PTPRK: variants seen among roughly 807,000 people sequenced by gnomAD.
PTPRK encodes the protein protein tyrosine phosphatase receptor type K.
In PTPRK, 75 loss-of-function variants were observed where a neutral mutation model predicts 178.0. The ratio of observed to expected loss-of-function variants is 0.42; its 90% CI spans 0.35 to 0.51. The LOEUF is 0.51. Among genes scored for constraint, PTPRK ranks in the 20% least tolerant of loss-of-function variants. The pLI, the probability that PTPRK is intolerant of heterozygous loss-of-function variation, is 0.02. For missense variants in PTPRK, 1,441 were observed against 1,797.8 expected (o/e 0.80, Z 3.59); for synonymous variants, 637 against 620.6 (o/e 1.03, Z -0.39).
At chr6:128,090,981 C>G (rs1244400142) in intron 7 of PTPRK, among the ~76,000 whole-genome samples, 1 of 152,170 alleles carries the variant, frequency 6.6e-6, no homozygotes, top group Non-Finnish European at 1.5e-5. Context: ...AAAAGTCTGA[C>G]TTGGGGGCTT....
At chr6:128,503,023 C>T (rs1242462623) in intron 1 of PTPRK, among the ~76,000 whole-genome samples, 2 of 152,024 alleles carry the variant, frequency 1.3e-5, no homozygotes, top group African/African-American at 2.4e-5. Flanking sequence ...GTCAGGAGTT[C>T]GAGACCAGCC....
chr6:128,221,935 A>C (rs1199539170), intron 5 of PTPRK, among the ~76,000 whole-genome samples: 2 of 152,082 alleles, frequency 1.3e-5, no homozygotes, highest in Non-Finnish European at 2.9e-5. Context: ...CAATTAGCAC[A>C]TCATTTCCAT....
chr6:128,148,795 C>G (rs1362468238), intron 7 of PTPRK, among the ~76,000 whole-genome samples: 1 of 152,010 alleles, frequency 6.6e-6, no homozygotes, highest in Non-Finnish European at 1.5e-5. Flanking sequence ...AAAAAAATTT[C>G]TGCTTAAAAA....
chr6:128,423,282 C>T (rs1490098171), intron 1 of PTPRK, among the ~76,000 whole-genome samples: 1 of 152,128 alleles, frequency 6.6e-6, no homozygotes, highest in Non-Finnish European at 1.5e-5. Context: ...ATGACAGTAA[C>T]ATTTGTGCGG....
At chr6:128,043,811 T>TC (rs1448704000) in intron 13 of PTPRK, among the ~76,000 whole-genome samples, 1 of 151,606 alleles carries the variant, frequency 6.6e-6, no homozygotes, top group African/African-American at 2.4e-5. Context: ...AAAACTTTTT[T>TC]TTTACATCTG....
At chr6:128,401,678 A>C (rs1841035990) in intron 1 of PTPRK, among the ~76,000 whole-genome samples, 1 of 152,182 alleles carries the variant, frequency 6.6e-6, no homozygotes. Flanking sequence ...GACTGAGTAC[A>C]GTAGCAAGAA....
intron 7 of PTPRK, among the ~76,000 whole-genome samples, chr6:128,120,809 A>C (rs1005048333): frequency 7.9e-5 from 12 of 151,862 alleles, no homozygotes; most frequent in African/African-American, 1.9e-4. Flanking sequence ...TATAACGCTA[A>C]AGTAAAATTA....
At chr6:128,464,127 G>A (rs1361405418) in intron 1 of PTPRK, among the ~76,000 whole-genome samples, 2 of 151,838 alleles carry the variant, frequency 1.3e-5, no homozygotes, top group Non-Finnish European at 1.5e-5. Flanking sequence ...AATTATGCCT[G>A]GAATGCAAAG....
chr6:128,001,119 A>G (rs1004253529), intron 15 of PTPRK: 2 of 1,214,106 alleles, frequency 1.6e-6, no homozygotes, highest in African/African-American at 3.1e-5. Flanking sequence ...CATTATCCTT[A>G]TTATACATTT....
In PTPRK at chr6:128,322,327, A is replaced by C. The variant is rs776098457; in HGVS notation, c.224-17T>G. 1.3e-6 allele frequency: 2 copies of C among 1,541,896 alleles called. No individual in the cohort carries two copies. Among genetic ancestry groups the C allele is most frequent in the Non-Finnish European group, 1.8e-6 (2 of 1,117,580 alleles). On this transcript the variant is annotated splice_polypyrimidine_tract_variant and intron_variant, in intron 2 of 29. Transcript: ENST00000368226. Reference sequence around the variant, plus strand: ...TATAGGAACCTGAAATGACATTACAAATAATAATGCTAAAGAGATATATAA... The same window carrying C: ...TATAGGAACCTGAAATGACATTACACATAATAATGCTAAAGAGATATATAA...
chr6:128,130,504 C>T (rs1483840092), intron 7 of PTPRK, among the ~76,000 whole-genome samples: 1 of 152,042 alleles, frequency 6.6e-6, no homozygotes, highest in Non-Finnish European at 1.5e-5. Flanking sequence ...AATTTTTTTC[C>T]TTTATCTTTT....
chr6:128,398,827 G>A (rs1221264123), intron 1 of PTPRK, among the ~76,000 whole-genome samples: 6 of 152,028 alleles, frequency 3.9e-5, no homozygotes, highest in African/African-American at 9.7e-5. Flanking sequence ...TTTTAAACGG[G>A]GGTAGCATTC....
At chr6:128,250,981 C>T (rs554282531) in intron 3 of PTPRK, among the ~76,000 whole-genome samples, 2 of 152,300 alleles carry the variant, frequency 1.3e-5, no homozygotes, top group African/African-American at 4.8e-5. Flanking sequence ...AAAGGAGCTT[C>T]TCTTCGTCAG....
intron 1 of PTPRK, among the ~76,000 whole-genome samples, chr6:128,456,730 C>A (rs1406670305): frequency 6.6e-6 from 1 of 152,024 alleles, no homozygotes; most frequent in African/African-American, 2.4e-5. Context: ...CTGGGTCTTT[C>A]CGGTTTTTAA....
intron 6 of PTPRK, among the ~76,000 whole-genome samples, chr6:128,214,045 C>A (rs1180053670): frequency 1.3e-5 from 2 of 152,088 alleles, no homozygotes. Flanking sequence ...TTCAACTAAA[C>A]AATTTTATTT....
intron 1 of PTPRK, among the ~76,000 whole-genome samples, chr6:128,473,404 ATTTT>A (rs67418131): frequency 4.5e-3 from 409 of 90,876 alleles, no homozygotes; most frequent in Admixed American, 6.4e-3. Context: ...TATGGTTACT[ATTTT>A]TTTTTTTTTT....
At chr6:128,345,968 C>A (rs769336564) in intron 2 of PTPRK, among the ~76,000 whole-genome samples, 1 of 152,028 alleles carries the variant, frequency 6.6e-6, no homozygotes, top group South Asian at 2.1e-4. Flanking sequence ...CTCTTGTATC[C>A]ATTTTTTAAG....
At chr6:128,228,138 G>T in intron 5 of PTPRK, among the ~76,000 whole-genome samples, 1 of 149,842 alleles carries the variant, frequency 6.7e-6, no homozygotes. Context: ...AAGAAAGAAA[G>T]AAATAGAGAG....
At chr6:128,259,843 T>TA (rs1161485068) in intron 3 of PTPRK, among the ~76,000 whole-genome samples, 1 of 152,070 alleles carries the variant, frequency 6.6e-6, no homozygotes, top group Admixed American at 6.5e-5. Flanking sequence ...AAAAGGAAAC[T>TA]AAAAAAATGT....
Sources: gnomAD v4.1 joint callset for allele counts (sites outside exome capture counted in the v4.1 genomes callset) on GRCh38, gnomAD v4.1.1 for gene constraint, MANE v1.5 for transcripts, NCBI Gene and HGNC (gene_info 2026-07-23, HGNC 2026-07-21) for gene names.